Variants in BEAN1 observed in about 807,000 individuals in gnomAD.
BEAN1 encodes the protein brain expressed associated with NEDD4 1, also known as protein BEAN1.
In BEAN1, 17 loss-of-function variants were observed where a neutral mutation model predicts 17.7. The observed-to-expected ratio is 0.96, with a 90% CI of 0.66 to 1.44. The LOEUF (loss-of-function observed/expected upper bound fraction) is 1.44. Among genes scored for constraint, BEAN1 ranks in the 40% most tolerant of loss-of-function variants. The pLI is 0.00. For missense variants in BEAN1, 359 were observed against 374.1 expected, an observed-to-expected ratio of 0.96 and a Z score of 0.33; for synonymous variants, 142 against 151.8, an observed-to-expected ratio of 0.94 and a Z score of 0.47.
At chr16:66,492,316 A>G (rs1964186013) in intron 4 of BEAN1, among the ~76,000 whole-genome samples, 1 of 151,874 alleles carries the variant, frequency 6.6e-6, no homozygotes, top group Non-Finnish European at 1.5e-5. Context: ...TGCTGGGTTT[A>G]CAGATGTGAG....
intron 2 of BEAN1, among the ~76,000 whole-genome samples, chr16:66,458,745 G>A (rs1881157713): frequency 6.6e-6 from 1 of 152,204 alleles, no homozygotes; most frequent in South Asian, 2.1e-4. Context: ...CTGTAAATGA[G>A]AGTGACAGTG....
At chr16:66,428,663 A>T (rs1596963594) in intron 1 of BEAN1, among the ~76,000 whole-genome samples, 1 of 152,128 alleles carries the variant, frequency 6.6e-6, no homozygotes, top group Admixed American at 6.5e-5. Flanking sequence ...ATTAAATGAG[A>T]TGATGCTGGT....
intron 2 of BEAN1, among the ~76,000 whole-genome samples, chr16:66,455,539 T>C (rs1378145246): frequency 6.6e-6 from 1 of 152,190 alleles, no homozygotes; most frequent in Non-Finnish European, 1.5e-5. Context: ...ATGATTCTCA[T>C]GGTCTATGAG....
At chr16:66,459,343 G>A (rs1962995735) in intron 2 of BEAN1, among the ~76,000 whole-genome samples, 1 of 151,958 alleles carries the variant, frequency 6.6e-6, no homozygotes, top group African/African-American at 2.4e-5. Flanking sequence ...CTTTTGAGGT[G>A]GTGTTTCACT....
intron 1 of BEAN1, chr16:66,428,501 AAGC>A (rs1961669341): frequency 1.3e-5 from 2 of 152,452 alleles, no homozygotes; most frequent in Non-Finnish European, 1.5e-5. Context: ...ATCTGAAAGT[AAGC>A]AGGAGTCTGT....
At chr16:66,455,084 A>G (rs1597007348) in intron 2 of BEAN1, among the ~76,000 whole-genome samples, 1 of 152,182 alleles carries the variant, frequency 6.6e-6, no homozygotes, top group East Asian at 1.9e-4. Flanking sequence ...AGTTGCATGT[A>G]TGGACTGCTA....
chr16:66,451,749 G>A (rs140768052), intron 2 of BEAN1, among the ~76,000 whole-genome samples: 1 of 152,258 alleles, frequency 6.6e-6, no homozygotes, highest in East Asian at 1.9e-4. Flanking sequence ...TGCTCAGTGG[G>A]CACTGCCAGC....
At chr16:66,430,295 T>C (rs1961747521) in intron 1 of BEAN1, among the ~76,000 whole-genome samples, 2 of 152,246 alleles carry the variant, frequency 1.3e-5, no homozygotes, top group Non-Finnish European at 2.9e-5. Flanking sequence ...ACACGCTGTT[T>C]CCTAAACGTA....
rs996233853 is a variant in BEAN1, at chr16:66,481,461, G to A, written c.*536G>A. The A allele has an allele frequency of 3.1e-5, 12 of 389,896 alleles. No individual in the cohort carries two copies. The highest frequency in any genetic ancestry group is 1.9e-4 in the African/African-American group (9 of 48,446). 24.2% of individuals were successfully genotyped at this position (389,896 alleles called of 1,614,324 possible). A position where few individuals can be genotyped will look rare whatever the true frequency, so the allele number is the denominator to read the frequency against. ...AGGCCCCAGTGAGGTTCCGTTGTGC[G>A]CTGTGCCTATCTCTCGATTCCAGGG... is the stretch of plus-strand genomic sequence containing the variant. On this transcript the variant is annotated 3_prime_UTR_variant, in exon 5 of 5. Coordinates refer to ENST00000536005, the MANE Select transcript of BEAN1 (RefSeq NM_001178020.3). This position sits in a 1 kb window ranked among gnomAD's most constrained non-coding sequence, Gnocchi z 4.1.
intron 3 of BEAN1, among the ~76,000 whole-genome samples, chr16:66,474,627 AGGGAGGG>A: frequency 9.4e-5 from 3 of 31,924 alleles, no homozygotes; most frequent in African/African-American, 2.6e-4. Context: ...GAAGGGAGGG[AGGGAGGG>A]AGGGAGGGAG....
chr16:66,437,968 G>A, intron 2 of BEAN1: 1 of 578,500 alleles, frequency 1.7e-6, no homozygotes, highest in Non-Finnish European at 3.1e-6. Context: ...TCTGAGGGAT[G>A]TTAATGGGAT....
Position 66,481,496 on chromosome 16 carries a change from C to T in BEAN1, c.*571C>T, listed in dbSNP as rs1421280332. 1 of 364,806 alleles carries T rather than the reference C, an allele frequency of 2.7e-6. No individual in the cohort carries two copies. Among genetic ancestry groups the T allele is most frequent in the Non-Finnish European group, 4.9e-6 (1 of 205,050 alleles). The allele number at this position is 364,806 out of a possible 1,614,324, so 22.6% of individuals were successfully genotyped here. Reference sequence around the variant, plus strand: ...TCTCTCGATTCCAGGGCAGATGAGCCACAACATCACCACCCTGCCACTTAC... The same window carrying T: ...TCTCTCGATTCCAGGGCAGATGAGCTACAACATCACCACCCTGCCACTTAC... On this transcript the variant is annotated 3_prime_UTR_variant, in exon 5 of 5. Coordinates refer to ENST00000536005, the MANE Select transcript of BEAN1 (RefSeq NM_001178020.3). This position sits in a 1 kb window ranked among gnomAD's most constrained non-coding sequence, Gnocchi z 4.1.
chr16:66,446,310 C>T (rs1473844378), intron 2 of BEAN1, among the ~76,000 whole-genome samples: 3 of 151,960 alleles, frequency 2.0e-5, no homozygotes, highest in Non-Finnish European at 2.9e-5. Flanking sequence ...GTTAGGATTT[C>T]CAAATTCATT....
intron 4 of BEAN1, among the ~76,000 whole-genome samples, chr16:66,490,096 C>G (rs1009315918): frequency 6.6e-6 from 1 of 151,518 alleles, no homozygotes; most frequent in African/African-American, 2.4e-5. Context: ...GACCCAGGTC[C>G]TCAGCCAGAT....
At chr16:66,437,819 A>G in intron 2 of BEAN1, 118 bp downstream of exon 2, 1 of 1,314,814 alleles carries the variant, frequency 7.6e-7, no homozygotes, top group Non-Finnish European at 1.1e-6. Context: ...GTCCAACCAG[A>G]GGCTAATGTG....
Position 66,480,668 on chromosome 16 carries a change from T to C in BEAN1, c.523T>C (p.Cys175Arg), listed in dbSNP as rs1173550603. 1.9e-6 allele frequency: 3 copies of C among 1,551,546 alleles called. No individual in the cohort carries two copies. The highest frequency in any genetic ancestry group is 2.6e-6 in the Non-Finnish European group (3 of 1,146,960). ...ACCACCCTACTCGCTGACTGATTCCTGCCCCACGCTGGATGGCACCTCCGA... is the reference window on the plus strand; with the variant it reads ...ACCACCCTACTCGCTGACTGATTCCCGCCCCACGCTGGATGGCACCTCCGA... ...APPPYSLTDS[C>R]PTLDGTSDSG... Residue 175 changes from cysteine to arginine, a missense_variant, in exon 5 of 5, where the codon TGC becomes CGC. Transcript: ENST00000536005.
At chr16:66,468,586 C>T (rs1963345409) in intron 2 of BEAN1, among the ~76,000 whole-genome samples, 1 of 152,194 alleles carries the variant, frequency 6.6e-6, no homozygotes, top group South Asian at 2.1e-4. Context: ...CTTAGCTCTG[C>T]CGTGGAGTAA....
intron 2 of BEAN1, among the ~76,000 whole-genome samples, chr16:66,455,168 C>T (rs1046592804): frequency 5.3e-5 from 8 of 152,154 alleles, no homozygotes; most frequent in African/African-American, 9.7e-5. Context: ...AGCTAAGGTA[C>T]GTAAGTATTA....
intron 1 of BEAN1, among the ~76,000 whole-genome samples, chr16:66,430,713 C>T (rs1961763083): frequency 6.6e-6 from 1 of 152,172 alleles, no homozygotes; most frequent in Non-Finnish European, 1.5e-5. Flanking sequence ...CTCCATTTTT[C>T]TCTAGAGCAC....
Sources: allele counts gnomAD v4.1 joint callset (sites outside exome capture counted in the v4.1 genomes callset), GRCh38; gene constraint gnomAD v4.1.1; non-coding constraint Gnocchi (gnomAD v3.1); transcripts MANE v1.5; gene names NCBI Gene and HGNC (gene_info 2026-07-23, HGNC 2026-07-21).